The following FUT8 variants were observed in gnomAD, a reference collection of about 807,000 sequenced individuals.
The protein encoded by FUT8 is fucosyltransferase 8, also known as alpha-(1,6)-fucosyltransferase.
FUT8 carries 29 observed loss-of-function variants against 71.3 expected under a neutral mutation model. That is an observed-to-expected ratio of 0.41 (90% confidence interval 0.30 to 0.55). FUT8 has a LOEUF of 0.55. Ranked by LOEUF, FUT8 falls within the 20% of genes least tolerant of loss-of-function variation. FUT8 has a pLI of 0.34. For synonymous variants in FUT8, 254 were observed against 239.3 expected (o/e 1.06, Z -0.57); for missense variants, 544 against 702.1 (o/e 0.77, Z 2.55).
chr14:65,669,045 G>A lies in FUT8; in HGVS notation c.598-198G>A, dbSNP rs1021139388. 3.9e-5 allele frequency among the ~76,000 whole-genome samples: 6 copies of A among 152,000 alleles called. No homozygotes were observed. The highest frequency in any genetic ancestry group is 8.8e-5 in the Non-Finnish European group (6 of 67,988). On this transcript the variant is annotated intron_variant, in intron 6 of 10. Transcript: ENST00000673929. The surrounding 1 kb of genome is among the most constrained non-coding windows in gnomAD (Gnocchi z 4.5). ...GCCTACTTGAGGGTGAAAGGTGGGA[G>A]GAGGGTGAAGATCAAAAAGCTGCAT...
chr14:65,696,359 A>C (rs1893996555), intron 7 of FUT8, among the ~76,000 whole-genome samples: 1 of 152,190 alleles, frequency 6.6e-6, no homozygotes, highest in African/African-American at 2.4e-5. Context: ...TTTCAAAGGA[A>C]TTCAAACATC....
chr14:65,734,169 A>G (rs1311042601), intron 10 of FUT8, among the ~76,000 whole-genome samples: 1 of 152,216 alleles, frequency 6.6e-6, no homozygotes, highest in African/African-American at 2.4e-5. Flanking sequence ...CTGGTCCAGA[A>G]TCTAATAAGC....
chr14:65,584,253 A>G (rs1887255084), intron 3 of FUT8, among the ~76,000 whole-genome samples: 1 of 148,562 alleles, frequency 6.7e-6, no homozygotes, highest in Admixed American at 6.8e-5. Flanking sequence ...ATCTTGGCTC[A>G]CTGCAAACTC....
intron 2 of FUT8, among the ~76,000 whole-genome samples, chr14:65,526,191 G>A (rs1045772040): frequency 5.9e-5 from 9 of 152,184 alleles, no homozygotes; most frequent in Non-Finnish European, 1.3e-4. Context: ...TATTGTGTGA[G>A]AGTCTAAGTC....
At chr14:65,555,990 T>C (rs1885567862) in intron 2 of FUT8, among the ~76,000 whole-genome samples, 1 of 152,236 alleles carries the variant, frequency 6.6e-6, no homozygotes, top group Admixed American at 6.5e-5. Flanking sequence ...GAAATGTGAT[T>C]AAGACTCAGT....
At chr14:65,388,623 G>A in the FUT8 span, among the ~76,000 whole-genome samples, 3 of 152,152 alleles carry the variant, frequency 2.0e-5, no homozygotes, top group African/African-American at 7.2e-5. Context: ...TTAGCCGGGC[G>A]TGATGGTGTG....
intron 3 of FUT8, among the ~76,000 whole-genome samples, chr14:65,587,757 G>T (rs1779599987): frequency 6.6e-6 from 1 of 152,210 alleles, no homozygotes; most frequent in Admixed American, 6.5e-5. Flanking sequence ...ATGCATGCCT[G>T]ATTTTATAAA....
chr14:65,549,994 G>C (rs1379805180), intron 2 of FUT8, among the ~76,000 whole-genome samples: 1 of 152,168 alleles, frequency 6.6e-6, no homozygotes, highest in Non-Finnish European at 1.5e-5. Context: ...CCAGGAGTTG[G>C]AGGTTGCAGT....
intron 3 of FUT8, among the ~76,000 whole-genome samples, chr14:65,585,597 CTGTT>C (rs1290570012): frequency 2.0e-5 from 3 of 152,072 alleles, no homozygotes; most frequent in African/African-American, 4.8e-5. Context: ...ATATTTTAAG[CTGTT>C]TGTTCTTTTG....
intron 3 of FUT8, among the ~76,000 whole-genome samples, chr14:65,611,217 GCGCGCGCACACA>G (rs1888924164): frequency 3.1e-4 from 1 of 3,176 alleles, no homozygotes; most frequent in African/African-American, 4.9e-4. Flanking sequence ...GCGCGCGCGC[GCGCGCGCACACA>G]CACACACACA....
At chr14:65,487,064 A>G (rs1466143587) in intron 2 of FUT8, among the ~76,000 whole-genome samples, 1 of 152,178 alleles carries the variant, frequency 6.6e-6, no homozygotes, top group Non-Finnish European at 1.5e-5. Context: ...CTCTATTAGC[A>G]TAAGATTATG....
intron 2 of FUT8, among the ~76,000 whole-genome samples, chr14:65,538,144 A>C (rs1884452571): frequency 6.6e-6 from 1 of 152,192 alleles, no homozygotes. Flanking sequence ...GCTGTGCTCC[A>C]CTACAGATGC....
At chr14:65,663,182 C>T (rs1455320899) in intron 6 of FUT8, among the ~76,000 whole-genome samples, 2 of 152,022 alleles carry the variant, frequency 1.3e-5, no homozygotes, top group Non-Finnish European at 2.9e-5. Flanking sequence ...CTGACAAGAG[C>T]TATTTGGTAA....
intron 1 of FUT8, among the ~76,000 whole-genome samples, chr14:65,423,947 G>A (rs183919738): frequency 1.8e-4 from 27 of 152,236 alleles, no homozygotes; most frequent in African/African-American, 6.0e-4. Flanking sequence ...CCTTATGCTG[G>A]ATTCATTTAT....
chr14:65,616,653 A>G (rs1889299796), intron 5 of FUT8, among the ~76,000 whole-genome samples: 1 of 152,242 alleles, frequency 6.6e-6, no homozygotes, highest in African/African-American at 2.4e-5. Flanking sequence ...AATACATTAA[A>G]ATATCTTTCT....
rs899083884 is a variant in FUT8 at position 65,607,734 on chromosome 14, C to T, written c.204-8244C>T. Among the ~76,000 whole-genome samples, 13 of 151,412 alleles carry T rather than the reference C, an allele frequency of 8.6e-5. 1 individual carries two copies. The highest frequency in any genetic ancestry group is 1.3e-4 in the Admixed American group (2 of 15,166). ...TTTTTATATTTCCTAGATTTTGATT[C>T]GATGTTTTATGAATATTTGTAAAAC... On this transcript the variant is annotated intron_variant, in intron 3 of 10. Coordinates refer to ENST00000673929, the MANE Select transcript of FUT8 (RefSeq NM_001371533.1). This position sits in a 1 kb window ranked among gnomAD's most constrained non-coding sequence, Gnocchi z 4.1.
upstream of FUT8, among the ~76,000 whole-genome samples, chr14:65,407,304 T>C (rs1309090566): frequency 6.6e-6 from 1 of 152,248 alleles, no homozygotes; most frequent in Non-Finnish European, 1.5e-5. Flanking sequence ...CAAAGCTATA[T>C]GAGCTTGATA....
intron 5 of FUT8, among the ~76,000 whole-genome samples, chr14:65,620,505 A>C (rs977949932): frequency 6.6e-6 from 1 of 152,220 alleles, no homozygotes; most frequent in African/African-American, 2.4e-5. Context: ...GATTGATAGA[A>C]TAGCTTACAG....
chr14:65,650,859 A>C (rs922124174), intron 6 of FUT8, among the ~76,000 whole-genome samples: 2 of 152,152 alleles, frequency 1.3e-5, no homozygotes, highest in African/African-American at 4.8e-5. Context: ...GAGGGGGGAA[A>C]AAAAAGCCCC....
Sources: gnomAD v4.1 joint callset for allele counts (sites outside exome capture counted in the v4.1 genomes callset) on GRCh38, gnomAD v4.1.1 for gene constraint, Gnocchi (gnomAD v3.1) non-coding constraint, MANE v1.5 for transcripts, NCBI Gene and HGNC (gene_info 2026-07-23, HGNC 2026-07-21) for gene names.